ABCA3: variants seen among roughly 807,000 people sequenced by gnomAD.
The protein encoded by ABCA3 is phospholipid-transporting ATPase ABCA3.
In ABCA3, 88 loss-of-function variants were observed where a neutral mutation model predicts 172.8. The ratio of observed to expected loss-of-function variants is 0.51; its 90% CI spans 0.43 to 0.61. The LOEUF is 0.61. ABCA3 is among the 20% of genes least tolerant of loss of function. ABCA3 has a pLI of 0.00. For synonymous variants in ABCA3, 1,066 were observed against 983.8 expected, an observed-to-expected ratio of 1.08 and a Z score of -1.56; for missense variants, 2,164 against 2,301.0, an observed-to-expected ratio of 0.94 and a Z score of 1.22.
intron 1 of ABCA3, 94 bp from the exon 2 acceptor site, chr16:2,329,948 T>C (rs2093740426): frequency 6.6e-6 from 1 of 152,140 alleles, no homozygotes; most frequent in Admixed American, 6.5e-5. Flanking sequence ...AAATAGATTT[T>C]GAGGATGTTA....
chr16:2,333,991 C>T (rs1050879731), intron 1 of ABCA3, among the ~76,000 whole-genome samples: 1 of 152,076 alleles, frequency 6.6e-6, no homozygotes, highest in Non-Finnish European at 1.5e-5. Context: ...CACGCCTGGC[C>T]GATGATAACA....
chr16:2,320,589 G>A (rs2093724589), intron 7 of ABCA3, among the ~76,000 whole-genome samples: 1 of 151,900 alleles, frequency 6.6e-6, no homozygotes, highest in East Asian at 1.9e-4. Context: ...AGTAGAGACG[G>A]GGTTTCACTA....
chr16:2,276,690 G>A lies in ABCA3; in HGVS notation c.5099C>T (p.Ala1700Val), dbSNP rs554604316. The change falls in exon 33 of 33, where the codon GCA (alanine) becomes GTA (valine). Residue 1700 changes from alanine to valine, a missense_variant. Coordinates refer to ENST00000301732, the MANE Select transcript of ABCA3 (RefSeq NM_001089.3). ...CGCCACCCCTCATCGCCCCTCCTCT[G>A]CGGTGGGCGGCTGCAGGTGGGCGAA... is the stretch of plus-strand genomic sequence containing the variant. ...LSFAHLQPPTAEEGR is the reference protein window; with the variant it reads ...LSFAHLQPPTVEEGR 9.3e-6 allele frequency: 15 copies of A among 1,613,508 alleles called. No homozygotes were observed. The South Asian group carries it at 1.6e-4, about 18-fold the overall frequency.
At chr16:2,288,400 G>A in intron 20 of ABCA3, 71 bp from the exon 21 acceptor site, 1 of 1,499,368 alleles carries the variant, frequency 6.7e-7, no homozygotes, top group Non-Finnish European at 8.9e-7. Context: ...CCCACCTGCG[G>A]CAGGTGCTGT....
intron 18 of ABCA3, among the ~76,000 whole-genome samples, chr16:2,294,255 T>C (rs2093676550): frequency 6.6e-6 from 1 of 151,940 alleles, no homozygotes; most frequent in African/African-American, 2.4e-5. Flanking sequence ...CTCGATCTCC[T>C]GACCTCATGG....
intron 19 of ABCA3, among the ~76,000 whole-genome samples, chr16:2,291,436 CA>C (rs1489533766): frequency 6.6e-6 from 1 of 152,134 alleles, no homozygotes; most frequent in East Asian, 1.9e-4. Flanking sequence ...AGGCGTGAGC[CA>C]CCACGCCCAG....
intron 7 of ABCA3, among the ~76,000 whole-genome samples, chr16:2,320,801 C>T (rs1382831291): frequency 6.6e-6 from 1 of 152,178 alleles, no homozygotes; most frequent in African/African-American, 2.4e-5. Flanking sequence ...GCCAGTCTCA[C>T]ACACGTTATA....
At chr16:2,333,422 T>C (rs574357705) in intron 1 of ABCA3, among the ~76,000 whole-genome samples, 17 of 152,336 alleles carry the variant, frequency 1.1e-4, no homozygotes, top group African/African-American at 4.1e-4. Flanking sequence ...GGTGTGGTGC[T>C]GGTCACATTT....
rs2093693703 is a variant in ABCA3 at position 2,304,035 on chromosome 16, G to T, written c.1401C>A (p.Thr467=). ...LLDSVLYGLV[T]WYMEAVFPGQ... ...CTGGGAAGACGGCCTCCATGTACCA[G>T]GTCACCAGGCCATAGAGCACAGAGT... The change falls in exon 12 of 33, where the codon ACC becomes ACA. Residue 467 remains threonine (T), a synonymous_variant. Coordinates refer to ENST00000301732, the MANE Select transcript of ABCA3 (RefSeq NM_001089.3). 1 of 1,614,060 alleles carries T rather than the reference G, an allele frequency of 6.2e-7. No individual in the cohort carries two copies. The highest frequency in any genetic ancestry group is 1.1e-5 in the South Asian group (1 of 91,086).
intron 8 of ABCA3, among the ~76,000 whole-genome samples, chr16:2,318,366 C>T (rs1006146030): frequency 6.6e-6 from 1 of 152,206 alleles, no homozygotes; most frequent in African/African-American, 2.4e-5. Flanking sequence ...AACCCAGTTC[C>T]TTCACTGACC....
Position 2,283,110 on chromosome 16 carries a change from G to T in ABCA3, c.4035+76C>A, listed in dbSNP as rs2093657520. On this transcript the variant is annotated intron_variant, in intron 26 of 32. Coordinates refer to ENST00000301732, the MANE Select transcript of ABCA3 (RefSeq NM_001089.3). This position sits in a 1 kb window ranked among gnomAD's most constrained non-coding sequence, Gnocchi z 5.4. ...GCCTGGTGGAGAAGGAGGTGGAGCT[G>T]CCCCAGGTTGTGCTGGGCCCAAGCA... The T allele has an allele frequency of 6.8e-7, 1 of 1,480,682 alleles. No homozygotes were observed. Among genetic ancestry groups the T allele is most frequent in the Non-Finnish European group, 9.2e-7 (1 of 1,081,302 alleles). 91.7% of individuals were successfully genotyped at this position (1,480,682 alleles called of 1,614,324 possible). A position where few individuals can be genotyped will look rare whatever the true frequency, so the allele number is the denominator to read the frequency against.
intron 2 of ABCA3, 123 bp downstream of exon 2, chr16:2,329,525 C>G (rs2093739739): frequency 6.6e-6 from 1 of 152,194 alleles, no homozygotes; most frequent in Admixed American, 6.5e-5. Context: ...GAAGTCTGGC[C>G]AAGAAAGGAA....
Position 2,285,523 on chromosome 16 carries a change from A to G in ABCA3, c.3402T>C (p.Ser1134=). The G allele has an allele frequency of 6.2e-7, 1 of 1,606,804 alleles. No homozygotes were observed. Among genetic ancestry groups the G allele is most frequent in the Non-Finnish European group, 8.5e-7 (1 of 1,176,566 alleles). ...GCCAGAAACTGGCCACGTGGACTCC[A>G]CTCACAAACTGCACATGCTTGGCCT... is the stretch of plus-strand genomic sequence containing the variant. ...AVQAKHVQFV[S]GVHVASFWLS... Residue 1134 remains serine (S), a synonymous_variant, in exon 23 of 33, where the codon AGT becomes AGC. Transcript: ENST00000301732. This position sits in a 1 kb window ranked among gnomAD's most constrained non-coding sequence, Gnocchi z 4.7.
Position 2,323,583 on chromosome 16 carries a change from A to G in ABCA3, c.553T>C (p.Phe185Leu), listed in dbSNP as rs1392378251. The change falls in exon 7 of 33, where the codon TTC becomes CTC. Residue 185 changes from phenylalanine to leucine, a missense_variant. By Grantham distance (22) the Phe-to-Leu change is conservative. Around this residue, in one of 3 missense-constraint regions of ABCA3, gnomAD observed 1,343 missense variants for 1,369.6 expected, o/e 0.98. Transcript: ENST00000301732. Reference protein sequence around the residue: ...ETEGWHTTSLFPLFPNPGPRE... With the variant: ...ETEGWHTTSLLPLFPNPGPRE... The stretch of plus-strand genomic sequence containing the variant: ...GGTCCTGGGTTTGGGAAAAGCGGGA[A>G]AAGGGAAGTAGTGTGCCAGCCTTCT... The G allele has an allele frequency of 6.2e-7, 1 of 1,614,192 alleles. No individual in the cohort carries two copies. The highest frequency in any genetic ancestry group is 2.2e-5 in the East Asian group (1 of 44,890).
chr16:2,297,430 T>C lies in ABCA3; in HGVS notation c.2162A>G (p.His721Arg). 1 of 1,613,690 alleles carries C rather than the reference T, an allele frequency of 6.2e-7. No individual in the cohort carries two copies. Among genetic ancestry groups the C allele is most frequent in the African/African-American group, 1.3e-5 (1 of 74,996 alleles). ...KSDRTIVLTT[H>R]FMDEADLLGD... ...CAGCAGGTCAGCCTCGTCCATGAAG[T>C]GGGTGGTCAGCACGATGGTGCGGTC... Residue 721 changes from histidine (H) to arginine (R), a missense_variant, in exon 17 of 33, where the codon CAC becomes CGC. Transcript: ENST00000301732. This position sits in a 1 kb window ranked among gnomAD's most constrained non-coding sequence, Gnocchi z 5.6.
Position 2,317,687 on chromosome 16 carries a change from GAGGAGGA to G in ABCA3, c.944_950del (p.Phe315SerfsTer7), listed in dbSNP as rs1567351335. 6.2e-7 allele frequency: 1 copy of G among 1,614,246 alleles called. No homozygotes were observed. The highest frequency in any genetic ancestry group is 1.7e-5 in the Admixed American group (1 of 60,034). ...GCAGGGTCATGAAGGAGGCGGCGAT[GAGGAGGA>G]AGAGGAAGAACAAGAGGAACCAGGC... On this transcript the variant is annotated frameshift_variant, in exon 9 of 33. Coordinates refer to ENST00000301732, the MANE Select transcript of ABCA3 (RefSeq NM_001089.3). LOFTEE classifies it high-confidence loss of function.
chr16:2,327,685 A>G (rs1435579293), intron 3 of ABCA3, among the ~76,000 whole-genome samples: 2 of 152,140 alleles, frequency 1.3e-5, no homozygotes, highest in Admixed American at 1.3e-4. Flanking sequence ...CTGGCATCAG[A>G]GCCTCGCAGC....
intron 18 of ABCA3, among the ~76,000 whole-genome samples, chr16:2,292,766 T>C (rs12598628): frequency 0.27 from 40,778 of 151,508 alleles, 6,910 homozygotes; most frequent in East Asian, 0.5. Flanking sequence ...CTAAAATAAA[T>C]AAAACAAAAC....
intron 7 of ABCA3, among the ~76,000 whole-genome samples, chr16:2,320,173 A>G (rs1448841807): frequency 6.6e-6 from 1 of 151,422 alleles, no homozygotes; most frequent in East Asian, 1.9e-4. Flanking sequence ...ATCTTGGCTC[A>G]CTGCAACCTC....
Sources: gnomAD v4.1 joint callset for allele counts (sites outside exome capture counted in the v4.1 genomes callset) on GRCh38, gnomAD v4.1.1 for gene constraint, gnomAD v4.1.1 regional missense constraint, Gnocchi (gnomAD v3.1) non-coding constraint, MANE v1.5 for transcripts, NCBI Gene and HGNC (gene_info 2026-07-23, HGNC 2026-07-21) for gene names.